The following LRP1B variants were observed in gnomAD, a reference collection of about 807,000 sequenced individuals.
The protein encoded by LRP1B is low-density lipoprotein receptor-related protein 1B.
Under a neutral mutation model 556.6 loss-of-function variants are expected in LRP1B, and 217 were observed. The ratio of observed to expected loss-of-function variants is 0.39; its 90% CI spans 0.35 to 0.44. The LOEUF (loss-of-function observed/expected upper bound fraction) is 0.44, where lower values mean the gene tolerates loss of function less well. Among genes scored for constraint, LRP1B ranks in the 20% least tolerant of loss-of-function variants. The probability of loss-of-function intolerance (pLI) is 1.00; values close to 1 mark genes in which losing one functional copy is unlikely to be tolerated. For synonymous variants in LRP1B, 2,047 were observed against 1,865.8 expected (o/e 1.10, Z -2.50); for missense variants, 5,053 against 5,620.8 (o/e 0.90, Z 3.23).
In LRP1B at chr2:140,516,839, T is replaced by C. The variant is rs139216418; in HGVS notation, c.8149+50A>G. On this transcript the variant is annotated intron_variant, in intron 50 of 90. Coordinates refer to ENST00000389484, the MANE Select transcript of LRP1B (RefSeq NM_018557.3). Reference sequence around the variant, plus strand: ...ATCCCTACATAAGAGAATACTAACATATAAGTAATAGTAAGGTTAACAAAA... The same window carrying C: ...ATCCCTACATAAGAGAATACTAACACATAAGTAATAGTAAGGTTAACAAAA... 1.3e-4 allele frequency: 200 copies of C among 1,565,072 alleles called. No individual in the cohort carries two copies. The African/African-American group carries it at 2.3e-3, about 18-fold the overall frequency.
chr2:141,682,696 G>A (rs1413664768), intron 2 of LRP1B, among the ~76,000 whole-genome samples: 1 of 152,040 alleles, frequency 6.6e-6, no homozygotes, highest in Non-Finnish European at 1.5e-5. Context: ...GGATAGAAGG[G>A]TTTTCTTACA....
chr2:141,771,202 C>T (rs1362061510), intron 2 of LRP1B, among the ~76,000 whole-genome samples: 1 of 152,050 alleles, frequency 6.6e-6, no homozygotes, highest in African/African-American at 2.4e-5. Context: ...TAAGAAGTAA[C>T]TCTCAACTGG....
At chr2:142,060,326 G>A (rs748078335) in intron 1 of LRP1B, among the ~76,000 whole-genome samples, 3 of 152,028 alleles carry the variant, frequency 2.0e-5, no homozygotes, top group South Asian at 2.1e-4. Context: ...GGTGTCAAAG[G>A]TGCTCCATTA....
chr2:141,249,250 ATTTAG>A, intron 4 of LRP1B, among the ~76,000 whole-genome samples: 1 of 152,280 alleles, frequency 6.6e-6, no homozygotes, highest in African/African-American at 2.4e-5. Flanking sequence ...GATGAAAAAA[ATTTAG>A]CTAGTGCAAA....
chr2:141,293,618 C>G (rs961199066), intron 3 of LRP1B, among the ~76,000 whole-genome samples: 1 of 148,496 alleles, frequency 6.7e-6, no homozygotes, highest in Admixed American at 6.7e-5. Flanking sequence ...CCAAAGATCA[C>G]TACATTCTTT....
chr2:142,005,911 A>G (rs1003433262), intron 1 of LRP1B, among the ~76,000 whole-genome samples: 1 of 151,288 alleles, frequency 6.6e-6, no homozygotes, highest in Non-Finnish European at 1.5e-5. Flanking sequence ...AAAAAAAAGA[A>G]AAAAAACTGC....
At chr2:140,353,397 A>C (rs1278189954) in intron 75 of LRP1B, among the ~76,000 whole-genome samples, 1 of 152,030 alleles carries the variant, frequency 6.6e-6, no homozygotes, top group Non-Finnish European at 1.5e-5. Context: ...GTTCATGGAT[A>C]CAAGTGCAGG....
chr2:141,610,267 TGTAACTAA>T (rs1445495495), intron 2 of LRP1B, among the ~76,000 whole-genome samples: 3 of 151,676 alleles, frequency 2.0e-5, no homozygotes, highest in Non-Finnish European at 4.4e-5. Flanking sequence ...TGTATACATA[TGTAACTAA>T]CCTGCACACT....
chr2:140,765,777 A>G (rs191662285), intron 35 of LRP1B, among the ~76,000 whole-genome samples: 1 of 152,278 alleles, frequency 6.6e-6, no homozygotes, highest in Admixed American at 6.6e-5. Flanking sequence ...GGTTTTGAGA[A>G]TACATTCTTT....
At position 140,475,189 on chromosome 2, in the gene LRP1B, C is replaced by T. The variant is rs547977304; in HGVS notation, c.9574G>A (p.Asp3192Asn). 1.1e-5 allele frequency: 18 copies of T among 1,603,472 alleles called. No homozygotes were observed. The highest frequency in any genetic ancestry group is 6.7e-5 in the East Asian group (3 of 44,460). The change falls in exon 60 of 91, where the codon GAT becomes AAT. Residue 3192 changes from aspartate (D) to asparagine (N), a missense_variant. Physicochemically the swap from Asp to Asn is conservative, Grantham distance 23 (BLOSUM62 1). This residue lies in a region of LRP1B where 3,619 missense variants were observed against 3,931.9 expected (regional missense o/e 0.92). Coordinates refer to ENST00000389484, the MANE Select transcript of LRP1B (RefSeq NM_018557.3). ...TTGCTAAATTCAATGTGATTTTCAT[C>T]GGCCCAGTAGAGTCTACGATTAACA... is the stretch of plus-strand genomic sequence containing the variant. ...DYVNRRLYWA[D>N]ENHIEFSNMD...
At chr2:141,688,622 A>G (rs1691398902) in intron 2 of LRP1B, among the ~76,000 whole-genome samples, 1 of 151,998 alleles carries the variant, frequency 6.6e-6, no homozygotes, top group East Asian at 1.9e-4. Context: ...AGGTTATATG[A>G]TTTACGGAAA....
chr2:140,237,886 T>G (rs968216223), intron 89 of LRP1B, among the ~76,000 whole-genome samples: 3 of 150,890 alleles, frequency 2.0e-5, no homozygotes, highest in Admixed American at 1.3e-4. Context: ...ATGAATCATT[T>G]TTCAATAAAA....
chr2:141,246,766 A>C (rs1030098060), intron 5 of LRP1B, among the ~76,000 whole-genome samples: 3 of 152,146 alleles, frequency 2.0e-5, no homozygotes, highest in African/African-American at 7.2e-5. Context: ...GGAGTTTGAG[A>C]CCAGCCTGGC....
intron 41 of LRP1B, among the ~76,000 whole-genome samples, chr2:140,641,190 C>A (rs1684280587): frequency 6.6e-6 from 1 of 152,112 alleles, no homozygotes. Context: ...GACGGCTGTT[C>A]TTTTTATGAA....
At chr2:140,863,869 C>T (rs913059210) in intron 27 of LRP1B, among the ~76,000 whole-genome samples, 1 of 152,014 alleles carries the variant, frequency 6.6e-6, no homozygotes, top group African/African-American at 2.4e-5. Flanking sequence ...AGACTATAAA[C>T]TCCAGGAAGG....
At chr2:141,097,413 C>T (rs954210565) in intron 7 of LRP1B, among the ~76,000 whole-genome samples, 1 of 151,838 alleles carries the variant, frequency 6.6e-6, no homozygotes, top group African/African-American at 2.4e-5. Flanking sequence ...GAACGGATGC[C>T]ACTTCAAAGA....
At chr2:140,471,270 T>C (rs549344808) in intron 60 of LRP1B, among the ~76,000 whole-genome samples, 5 of 152,130 alleles carry the variant, frequency 3.3e-5, no homozygotes, top group African/African-American at 4.8e-5. Flanking sequence ...CTGAAATGCC[T>C]TTTAGGGAAG....
chr2:140,888,559 A>C (rs1269723927), intron 23 of LRP1B, among the ~76,000 whole-genome samples: 1 of 106,858 alleles, frequency 9.4e-6, no homozygotes, highest in East Asian at 3.1e-4. Flanking sequence ...GTAAAAATAG[A>C]AAATATAGAA....
intron 3 of LRP1B, among the ~76,000 whole-genome samples, chr2:141,354,362 C>T (rs1179911385): frequency 8.6e-5 from 13 of 151,980 alleles, no homozygotes; most frequent in Admixed American, 8.5e-4. Context: ...TCAGACAATA[C>T]ATAAATAAGT....
Sources: allele counts gnomAD v4.1 joint callset (sites outside exome capture counted in the v4.1 genomes callset), GRCh38; gene constraint gnomAD v4.1.1; regional missense constraint gnomAD v4.1.1; transcripts MANE v1.5; gene names NCBI Gene and HGNC (gene_info 2026-07-23, HGNC 2026-07-21).